TAOK1: variants seen among roughly 807,000 people sequenced by gnomAD.
TAOK1 encodes serine/threonine-protein kinase TAO1.
In TAOK1, 21 loss-of-function variants were observed where a neutral mutation model predicts 138.3. The ratio of observed to expected loss-of-function variants is 0.15; its 90% CI spans 0.11 to 0.22. The LOEUF (loss-of-function observed/expected upper bound fraction) is 0.22, where lower values mean the gene tolerates loss of function less well. TAOK1 is among the 10% of genes least tolerant of loss of function. TAOK1 has a pLI of 1.00. For missense variants in TAOK1, 651 were observed against 1,227.7 expected (o/e 0.53, Z 7.02); for synonymous variants, 361 against 398.4 (o/e 0.91, Z 1.12).
intron 19 of TAOK1, among the ~76,000 whole-genome samples, chr17:29,535,083 G>A (rs1232200309): frequency 3.9e-5 from 6 of 152,056 alleles, no homozygotes; most frequent in Admixed American, 3.3e-4. Flanking sequence ...AAGCCAAGGC[G>A]GGAAGATCGT....
At chr17:29,500,085 G>A (rs988700527) in intron 12 of TAOK1, among the ~76,000 whole-genome samples, 8 of 152,216 alleles carry the variant, frequency 5.3e-5, no homozygotes, top group African/African-American at 1.4e-4. Flanking sequence ...AAGCTGAGGC[G>A]GGCAGATTGC....
intron 2 of TAOK1, among the ~76,000 whole-genome samples, chr17:29,452,161 A>G (rs2030255928): frequency 6.6e-6 from 1 of 152,174 alleles, no homozygotes; most frequent in Admixed American, 6.5e-5. Flanking sequence ...GGTTGCAGTG[A>G]GCCGAGATTG....
chr17:29,458,819 CG>C (rs1339033352), intron 2 of TAOK1, among the ~76,000 whole-genome samples: 1 of 152,010 alleles, frequency 6.6e-6, no homozygotes, highest in Non-Finnish European at 1.5e-5. Context: ...CTCAGCCTGC[CG>C]AGTAGCTGGG....
At chr17:29,485,155 T>A (rs2031144126) in intron 8 of TAOK1, among the ~76,000 whole-genome samples, 1 of 152,192 alleles carries the variant, frequency 6.6e-6, no homozygotes, top group African/African-American at 2.4e-5. Context: ...ACATAATTTT[T>A]CATGAGTGGG....
At chr17:29,437,737 T>C (rs945602203) in intron 1 of TAOK1, among the ~76,000 whole-genome samples, 156 of 145,022 alleles carry the variant, frequency 1.1e-3, no homozygotes, top group East Asian at 5.1e-3. Context: ...TATTCTTCTT[T>C]TTTTTTTTTT....
At chr17:29,473,428 G>A (rs62066617) in intron 3 of TAOK1, among the ~76,000 whole-genome samples, 22,961 of 152,022 alleles carry the variant, frequency 0.15, 2,024 homozygotes, top group Middle Eastern at 0.22. Context: ...TTGAGGCCAG[G>A]AGTTCGAGAC....
chr17:29,510,452 G>A (rs2031701185), intron 14 of TAOK1, among the ~76,000 whole-genome samples: 1 of 152,174 alleles, frequency 6.6e-6, no homozygotes, highest in African/African-American at 2.4e-5. Context: ...ATCTCTGGAT[G>A]CCAAAATTAT....
intron 1 of TAOK1, among the ~76,000 whole-genome samples, chr17:29,403,304 A>G (rs1904903418): frequency 1.3e-5 from 2 of 152,140 alleles, no homozygotes; most frequent in Middle Eastern, 3.4e-3. Flanking sequence ...ATTTGTTACA[A>G]TTTATTCCCA....
At chr17:29,515,079 G>GCATTCTTA (rs2031792469) in intron 15 of TAOK1, 1 of 150,846 alleles carries the variant, frequency 6.6e-6, no homozygotes, top group South Asian at 2.1e-4. Flanking sequence ...CAATATAAAT[G>GCATTCTTA]CATTCTTATT....
rs563939563 is a variant in TAOK1 at position 29,437,406 on chromosome 17, C to T, written c.-94-14049C>T. ...AGAGATGGGGTTTCATCATGTTGGC[C>T]AGGCTGGTCTTGAACTCCTGACCTC... On this transcript the variant is annotated intron_variant, in intron 1 of 19. Coordinates refer to ENST00000261716, the MANE Select transcript of TAOK1 (RefSeq NM_020791.4). Among the ~76,000 whole-genome samples the T allele has an allele frequency of 3.3e-5, 5 of 152,146 alleles. No homozygotes were observed. In the South Asian group the frequency reaches 1.0e-3, roughly 32 times the overall value.
intron 19 of TAOK1, among the ~76,000 whole-genome samples, chr17:29,537,309 C>T (rs2032238938): frequency 6.6e-6 from 1 of 152,078 alleles, no homozygotes; most frequent in African/African-American, 2.4e-5. Flanking sequence ...AGTGTTAATA[C>T]ATCTTGGAAA....
At chr17:29,431,536 GA>G (rs1555559530) in intron 1 of TAOK1, among the ~76,000 whole-genome samples, 2 of 143,248 alleles carry the variant, frequency 1.4e-5, no homozygotes, top group African/African-American at 5.3e-5. Flanking sequence ...AACTCAGAAA[GA>G]AGATTGGCTT....
chr17:29,447,658 T>A (rs564856614), intron 1 of TAOK1, among the ~76,000 whole-genome samples: 192 of 150,860 alleles, frequency 1.3e-3, no homozygotes, highest in Admixed American at 2.1e-3. Context: ...TATTTTATTT[T>A]ATTTTTTTTT....
intron 1 of TAOK1, among the ~76,000 whole-genome samples, chr17:29,401,721 C>T (rs1232600681): frequency 6.6e-6 from 1 of 151,772 alleles, no homozygotes; most frequent in African/African-American, 2.4e-5. Context: ...GTGGGGTGAT[C>T]ATGGCTTGCT....
At chr17:29,397,780 CGT>C (rs1395180995) in intron 1 of TAOK1, among the ~76,000 whole-genome samples, 3 of 139,550 alleles carry the variant, frequency 2.1e-5, no homozygotes, top group Non-Finnish European at 3.1e-5. Context: ...CATGTATATT[CGT>C]GTGTATATAT....
intron 3 of TAOK1, among the ~76,000 whole-genome samples, chr17:29,467,552 G>A (rs563611876): frequency 3.9e-5 from 6 of 152,260 alleles, no homozygotes; most frequent in African/African-American, 7.2e-5. Context: ...GATTACAGGC[G>A]TGAGCCACCG....
At chr17:29,525,879 C>G (rs946380435) in intron 17 of TAOK1, among the ~76,000 whole-genome samples, 1 of 152,198 alleles carries the variant, frequency 6.6e-6, no homozygotes, top group Admixed American at 6.6e-5. Context: ...TGCCTGTAGT[C>G]CCAGCTACTT....
chr17:29,437,873 C>T (rs8081858), intron 1 of TAOK1, among the ~76,000 whole-genome samples: 95,693 of 151,448 alleles, frequency 0.63, 31,672 homozygotes, highest in East Asian at 0.97. Context: ...GCTGGGATTA[C>T]AGGTGCCCAC....
chr17:29,411,476 C>T (rs1404860669), intron 1 of TAOK1, among the ~76,000 whole-genome samples: 2 of 151,990 alleles, frequency 1.3e-5, no homozygotes, highest in African/African-American at 4.8e-5. Context: ...ACTGCAACCT[C>T]TGCCTCCCAC....
Sources: gnomAD v4.1 joint callset for allele counts (sites outside exome capture counted in the v4.1 genomes callset) on GRCh38, gnomAD v4.1.1 for gene constraint, MANE v1.5 for transcripts, NCBI Gene and HGNC (gene_info 2026-07-23, HGNC 2026-07-21) for gene names.